The following ATP10B variants were observed in gnomAD, a reference collection of about 807,000 sequenced individuals.
ATP10B encodes ATPase phospholipid transporting 10B (putative).
A neutral mutation model predicts 141.2 loss-of-function variants in ATP10B; 122 were observed. The observed-to-expected ratio is 0.86, with a 90% confidence interval of 0.75 to 1.00. The LOEUF (loss-of-function observed/expected upper bound fraction) is 1.00, where lower values mean the gene tolerates loss of function less well. ATP10B is among the 50% of genes least tolerant of loss of function. ATP10B has a pLI of 0.00. For missense variants in ATP10B, 1,876 were observed against 1,825.3 expected (o/e 1.03, Z -0.51); for synonymous variants, 685 against 692.0 (o/e 0.99, Z 0.16).
chr5:160,761,672 A>G (rs765639244), intron 2 of ATP10B, among the ~76,000 whole-genome samples: 1 of 152,208 alleles, frequency 6.6e-6, no homozygotes, highest in Non-Finnish European at 1.5e-5. Context: ...TGACAGAACA[A>G]GTTTCCGTAA....
the ATP10B span, among the ~76,000 whole-genome samples, chr5:160,885,482 A>G: frequency 2.0e-5 from 3 of 152,238 alleles, no homozygotes; most frequent in African/African-American, 7.2e-5. Context: ...AGAGGAAGAC[A>G]CCTTGGCAAA....
At chr5:160,792,258 A>G (rs1196030910) in intron 1 of ATP10B, among the ~76,000 whole-genome samples, 1 of 152,200 alleles carries the variant, frequency 6.6e-6, no homozygotes, top group South Asian at 2.1e-4. Context: ...TATTTCCCAC[A>G]ATGCCTCAAA....
Position 160,852,102 on chromosome 5 carries a change from G to A in ATP10B, c.-737C>T, listed in dbSNP as rs1400578559. 6.6e-6 allele frequency: 1 copy of A among 152,112 alleles called. No homozygotes were observed. The highest frequency in any genetic ancestry group is 1.5e-5 in the Non-Finnish European group (1 of 68,026). The allele number at this position is 152,112 out of a possible 1,614,324, so 9.4% of individuals were successfully genotyped here. On this transcript the variant is annotated 5_prime_UTR_variant, in exon 1 of 26. Transcript: ENST00000327245. Reference sequence around the variant, plus strand: ...TGATTATGTCAAGGCAAGGCCTCAAGCTAACACTCCCTCAGAAACTTAGAG... The same window carrying A: ...TGATTATGTCAAGGCAAGGCCTCAAACTAACACTCCCTCAGAAACTTAGAG...
chr5:160,588,515 G>A (rs1320834918), intron 24 of ATP10B, among the ~76,000 whole-genome samples: 1 of 152,100 alleles, frequency 6.6e-6, no homozygotes, highest in Non-Finnish European at 1.5e-5. Flanking sequence ...CTTGGCTAAG[G>A]ACACATCTTT....
chr5:160,589,577 C>T lies in ATP10B; in HGVS notation c.3750+15G>A, dbSNP rs1310834769. On this transcript the variant is annotated intron_variant, in intron 24 of 25. Coordinates refer to ENST00000327245, the MANE Select transcript of ATP10B (RefSeq NM_025153.3). The stretch of plus-strand genomic sequence containing the variant: ...GAGCACAGTTTTGAAGCCAAAGGGG[C>T]TCTGGGACACTTACCCATGTCTTCA... 1 of 1,601,558 alleles carries T rather than the reference C, an allele frequency of 6.2e-7. No individual in the cohort carries two copies. Among genetic ancestry groups the T allele is most frequent in the Non-Finnish European group, 8.6e-7 (1 of 1,169,242 alleles).
chr5:160,708,973 A>G (rs1394866791), intron 3 of ATP10B, among the ~76,000 whole-genome samples: 2 of 152,224 alleles, frequency 1.3e-5, no homozygotes, highest in Admixed American at 1.3e-4. Context: ...AGACCCGTGT[A>G]GATATGCGAG....
chr5:160,864,050 A>T, the ATP10B span, among the ~76,000 whole-genome samples: 1 of 152,012 alleles, frequency 6.6e-6, no homozygotes, highest in South Asian at 2.1e-4. Context: ...TACTGAAACT[A>T]TTAAAGATAA....
the ATP10B span, among the ~76,000 whole-genome samples, chr5:160,873,756 T>A: frequency 6.6e-6 from 1 of 152,014 alleles, no homozygotes; most frequent in Non-Finnish European, 1.5e-5. Flanking sequence ...CCTTTCCGAG[T>A]CAAAGAAAGG....
chr5:160,669,756 C>T (rs552008348), intron 7 of ATP10B, among the ~76,000 whole-genome samples: 18 of 151,142 alleles, frequency 1.2e-4, no homozygotes, highest in African/African-American at 2.7e-4. Context: ...CCTGCCATCA[C>T]GGGGCTGGCT....
chr5:160,681,556 A>G (rs1411448015), intron 6 of ATP10B, among the ~76,000 whole-genome samples: 1 of 152,186 alleles, frequency 6.6e-6, no homozygotes, highest in African/African-American at 2.4e-5. Flanking sequence ...TTTGAAGAGG[A>G]CAGCTCAAGC....
chr5:160,651,553 C>G (rs942795341), intron 7 of ATP10B, among the ~76,000 whole-genome samples: 10 of 152,102 alleles, frequency 6.6e-5, no homozygotes, highest in African/African-American at 2.4e-4. Flanking sequence ...ACATTCCACC[C>G]AAACAGAAGG....
At chr5:160,649,046 T>G in intron 8 of ATP10B, 125 bp downstream of exon 8, 1 of 563,802 alleles carries the variant, frequency 1.8e-6, no homozygotes, top group Middle Eastern at 2.8e-4. Context: ...AGTCCCTCTT[T>G]ATCACACACA....
the ATP10B span, among the ~76,000 whole-genome samples, chr5:160,912,178 C>T: frequency 6.6e-6 from 1 of 151,604 alleles, no homozygotes; most frequent in African/African-American, 2.4e-5. Context: ...ATGAGTAGAT[C>T]TAAATAAAGA....
chr5:160,566,110 G>A (rs1368820999), intron 25 of ATP10B, among the ~76,000 whole-genome samples: 2 of 152,070 alleles, frequency 1.3e-5, no homozygotes, highest in Admixed American at 6.5e-5. Context: ...TTATACACCA[G>A]GACTATTCTA....
At chr5:160,644,610 T>C (rs1303729334) in intron 8 of ATP10B, among the ~76,000 whole-genome samples, 1 of 152,120 alleles carries the variant, frequency 6.6e-6, no homozygotes, top group Non-Finnish European at 1.5e-5. Flanking sequence ...AAAACCAAGA[T>C]GGTGATGAGA....
At chr5:160,784,546 GTTGTTT>G (rs945290284) in intron 2 of ATP10B, among the ~76,000 whole-genome samples, 7 of 152,058 alleles carry the variant, frequency 4.6e-5, no homozygotes, top group Non-Finnish European at 8.8e-5. Context: ...AGTTGTTGTT[GTTGTTT>G]TTAAGTTGGC....
intron 2 of ATP10B, among the ~76,000 whole-genome samples, chr5:160,737,313 A>G (rs1016360126): frequency 2.0e-4 from 31 of 152,208 alleles, no homozygotes; most frequent in African/African-American, 7.5e-4. Flanking sequence ...AGTAGGGAAA[A>G]ACTGAAAGCC....
At chr5:160,843,785 G>C (rs1039618598) in intron 1 of ATP10B, among the ~76,000 whole-genome samples, 18 of 152,084 alleles carry the variant, frequency 1.2e-4, no homozygotes, top group Admixed American at 9.2e-4. Context: ...AAAGGACATA[G>C]GAACAAAACA....
At chr5:160,881,426 A>C in the ATP10B span, among the ~76,000 whole-genome samples, 1 of 152,212 alleles carries the variant, frequency 6.6e-6, no homozygotes, top group Non-Finnish European at 1.5e-5. Context: ...ATAATCCAAC[A>C]ATTGTGCTTC....
Sources: gnomAD v4.1 joint callset for allele counts (sites outside exome capture counted in the v4.1 genomes callset) on GRCh38, gnomAD v4.1.1 for gene constraint, MANE v1.5 for transcripts, NCBI Gene and HGNC (gene_info 2026-07-23, HGNC 2026-07-21) for gene names.